TAFA5: variants seen among roughly 807,000 people sequenced by gnomAD.
TAFA5 encodes the protein TAFA chemokine like family member 5.
TAFA5 carries 6 observed loss-of-function variants against 15.3 expected under a neutral mutation model. That is an observed-to-expected ratio of 0.39 (90% CI 0.21 to 0.77). The LOEUF is 0.77. Among genes scored for constraint, TAFA5 ranks in the 30% least tolerant of loss-of-function variants. The pLI is 0.41. For missense variants in TAFA5, 161 were observed against 193.1 expected (o/e 0.83, Z 0.98); for synonymous variants, 103 against 80.7 (o/e 1.28, Z -1.48).
intron 1 of TAFA5, among the ~76,000 whole-genome samples, chr22:48,540,875 TAAA>T (rs34844674): frequency 2.3e-5 from 3 of 129,820 alleles, no homozygotes; most frequent in Non-Finnish European, 3.2e-5. Flanking sequence ...TCATTGACAG[TAAA>T]AAAAAAAAAA....
At chr22:48,537,612 T>C (rs1922214007) in intron 1 of TAFA5, among the ~76,000 whole-genome samples, 1 of 152,226 alleles carries the variant, frequency 6.6e-6, no homozygotes, top group Non-Finnish European at 1.5e-5. Context: ...GAGCTCCCGA[T>C]GAGTGTCAAA....
intron 1 of TAFA5, among the ~76,000 whole-genome samples, chr22:48,571,574 GTTTTTTTTTTTTTTTTTTTT>G (rs57578802): frequency 1.0e-4 from 3 of 29,240 alleles, no homozygotes; most frequent in African/African-American, 2.3e-4. Context: ...TGCCTGGCCT[GTTTTTTTTTTTTTTTTTTTT>G]TTTTTTTTTT....
intron 1 of TAFA5, among the ~76,000 whole-genome samples, chr22:48,556,216 G>A (rs1923032743): frequency 6.6e-6 from 1 of 152,158 alleles, no homozygotes; most frequent in Admixed American, 6.5e-5. Flanking sequence ...ACTGTGAGAA[G>A]AGGCGGGTCC....
intron 1 of TAFA5, among the ~76,000 whole-genome samples, chr22:48,493,257 GT>G (rs1365980241): frequency 1.3e-5 from 2 of 152,240 alleles, no homozygotes; most frequent in Non-Finnish European, 2.9e-5. Context: ...ACCAGGGAGA[GT>G]GAGGAAGACA....
At position 48,489,998 on chromosome 22, in the gene TAFA5, C is replaced by T. The variant is rs901934472; in HGVS notation, c.112+294C>T. ...CCGGGTGGCGCGGCCCGTCCCTGCC[C>T]GGCGGTCGGAGCCCAGCCAGCGGCT... is the stretch of plus-strand genomic sequence containing the variant. On this transcript the variant is annotated intron_variant, in intron 1 of 3. Transcript: ENST00000402357. This position sits in a 1 kb window ranked among gnomAD's most constrained non-coding sequence, Gnocchi z 5.5. Among the ~76,000 whole-genome samples the T allele has an allele frequency of 2.4e-4, 36 of 152,014 alleles. No individual in the cohort carries two copies. Among genetic ancestry groups the T allele is most frequent in the Non-Finnish European group, 4.1e-4 (28 of 67,954 alleles).
At chr22:48,635,854 G>T (rs553875985) in intron 1 of TAFA5, among the ~76,000 whole-genome samples, 41 of 152,338 alleles carry the variant, frequency 2.7e-4, no homozygotes, top group African/African-American at 9.9e-4. Context: ...TGTTGTAATC[G>T]CAGCCATTGT....
At chr22:48,615,620 A>G (rs1456961375) in intron 1 of TAFA5, among the ~76,000 whole-genome samples, 1 of 152,162 alleles carries the variant, frequency 6.6e-6, no homozygotes, top group Non-Finnish European at 1.5e-5. Context: ...GACATCCCCC[A>G]CGGGTCCTTC....
chr22:48,700,487 T>G (rs78802159), intron 2 of TAFA5, among the ~76,000 whole-genome samples: 3,773 of 152,260 alleles, frequency 0.025, 152 homozygotes, highest in African/African-American at 0.087. Context: ...AGCAGCCCTT[T>G]GACCAAAGCC....
intron 1 of TAFA5, among the ~76,000 whole-genome samples, chr22:48,581,279 C>G (rs1924028338): frequency 1.3e-5 from 2 of 152,308 alleles, no homozygotes; most frequent in African/African-American, 4.8e-5. Flanking sequence ...CCCAGGCCTC[C>G]CTGCAAGGGC....
chr22:48,574,288 G>T (rs568564588), intron 1 of TAFA5, among the ~76,000 whole-genome samples: 1 of 152,088 alleles, frequency 6.6e-6, no homozygotes, highest in African/African-American at 2.4e-5. Context: ...GGATGTTTTC[G>T]GGGGCAGGTG....
At chr22:48,735,253 G>A (rs1050441717) in intron 3 of TAFA5, among the ~76,000 whole-genome samples, 17 of 152,178 alleles carry the variant, frequency 1.1e-4, no homozygotes, top group African/African-American at 4.1e-4. Flanking sequence ...TAGCCACCCC[G>A]ACTGACCTCA....
At chr22:48,595,997 T>C (rs1410375191) in intron 1 of TAFA5, among the ~76,000 whole-genome samples, 1 of 152,248 alleles carries the variant, frequency 6.6e-6, no homozygotes, top group East Asian at 1.9e-4. Context: ...GTGGTATTAC[T>C]GTTTAAATCT....
intron 2 of TAFA5, among the ~76,000 whole-genome samples, chr22:48,705,743 A>G (rs899196099): frequency 6.6e-6 from 1 of 152,262 alleles, no homozygotes; most frequent in Non-Finnish European, 1.5e-5. Flanking sequence ...ATAGCCATGA[A>G]GCCAGCCCGC....
At chr22:48,738,976 T>A (rs6010517) in intron 3 of TAFA5, among the ~76,000 whole-genome samples, 33,516 of 152,194 alleles carry the variant, frequency 0.22, 3,968 homozygotes, top group Admixed American at 0.32. Context: ...TATGAGCATC[T>A]CACCTGGATC....
At chr22:48,591,192 G>T (rs1241886350) in intron 1 of TAFA5, among the ~76,000 whole-genome samples, 1 of 152,226 alleles carries the variant, frequency 6.6e-6, no homozygotes, top group African/African-American at 2.4e-5. Flanking sequence ...TGGTGGCTTG[G>T]CCTTGACAGC....
chr22:48,719,634 G>A (rs1929509069), intron 3 of TAFA5, among the ~76,000 whole-genome samples: 5 of 152,220 alleles, frequency 3.3e-5, no homozygotes, highest in Admixed American at 3.3e-4. Flanking sequence ...AGGTCTGAGA[G>A]ACGGCGCAGG....
chr22:48,733,959 C>T (rs1021797819), intron 3 of TAFA5, among the ~76,000 whole-genome samples: 5 of 152,180 alleles, frequency 3.3e-5, no homozygotes, highest in African/African-American at 7.2e-5. Flanking sequence ...GAATGGGCAG[C>T]CGCCTGCACA....
intron 3 of TAFA5, among the ~76,000 whole-genome samples, chr22:48,723,029 G>C (rs132254): frequency 0.41 from 62,316 of 152,012 alleles, 13,577 homozygotes; most frequent in Non-Finnish European, 0.48. Flanking sequence ...CTAGCCCCAA[G>C]GCCGCCCTCT....
chr22:48,641,644 C>G (rs1202191410), intron 1 of TAFA5, among the ~76,000 whole-genome samples: 2 of 150,754 alleles, frequency 1.3e-5, no homozygotes, highest in Non-Finnish European at 3.0e-5. Flanking sequence ...CCCGCACACC[C>G]TCCCCTCACA....
Sources: allele counts gnomAD v4.1 joint callset (sites outside exome capture counted in the v4.1 genomes callset), GRCh38; gene constraint gnomAD v4.1.1; non-coding constraint Gnocchi (gnomAD v3.1); transcripts MANE v1.5; gene names NCBI Gene and HGNC (gene_info 2026-07-23, HGNC 2026-07-21).